Variants in CNTLN observed in about 807,000 individuals in gnomAD.
The protein encoded by CNTLN is centlein, also known as centlein, centrosomal protein.
In CNTLN, 212 loss-of-function variants were observed where a neutral mutation model predicts 180.0. The observed-to-expected ratio is 1.18, with a 90% CI of 1.05 to 1.32. The LOEUF (loss-of-function observed/expected upper bound fraction) is 1.32. Among genes scored for constraint, CNTLN ranks in the 40% most tolerant of loss-of-function variants. The probability of loss-of-function intolerance (pLI) is 0.00; values close to 1 mark genes in which losing one functional copy is unlikely to be tolerated. For synonymous variants in CNTLN, 722 were observed against 563.1 expected (o/e 1.28, Z -3.99); for missense variants, 2,095 against 1,610.9 (o/e 1.30, Z -5.14).
At position 17,309,272 on chromosome 9, in the gene CNTLN, A is replaced by G; in HGVS notation, c.1341+20A>G. 6.6e-7 allele frequency: 1 copy of G among 1,506,358 alleles called. No homozygotes were observed. Among genetic ancestry groups the G allele is most frequent in the Non-Finnish European group, 8.9e-7 (1 of 1,124,290 alleles). 93.3% of individuals were successfully genotyped at this position (1,506,358 alleles called of 1,614,324 possible). On this transcript the variant is annotated intron_variant, in intron 8 of 25. Coordinates refer to ENST00000380647, the MANE Select transcript of CNTLN (RefSeq NM_017738.4). ...GCACAGGTGAGAGACATTTTCTAAA[A>G]CTGTTATTCAGTGTAATATTAAATG...
chr9:17,170,515 T>C (rs1344352314), intron 2 of CNTLN, among the ~76,000 whole-genome samples: 2 of 152,118 alleles, frequency 1.3e-5, no homozygotes, highest in Non-Finnish European at 2.9e-5. Flanking sequence ...TTACATTCTT[T>C]CTGTTCCTCT....
intron 20 of CNTLN, 52 bp from the exon 21 acceptor site, chr9:17,464,445 C>T: frequency 4.1e-6 from 6 of 1,457,088 alleles, no homozygotes; most frequent in Non-Finnish European, 5.5e-6. Context: ...AAGATATCAC[C>T]ACTGTTAAGG....
At chr9:17,184,303 ATGAATATTTGTTATAACAG>A (rs1242948538) in intron 2 of CNTLN, among the ~76,000 whole-genome samples, 1 of 144,176 alleles carries the variant, frequency 6.9e-6, no homozygotes, top group African/African-American at 2.8e-5. Flanking sequence ...TTACGTAAAC[ATGAATATTTGTTATAACAG>A]AGCACATTTT....
Position 17,462,177 on chromosome 9 carries a change from T to C in CNTLN, c.3307-739T>C, listed in dbSNP as rs140585144. Among the ~76,000 whole-genome samples, 836 of 151,828 alleles carry C rather than the reference T, an allele frequency of 5.5e-3. 9 individuals are homozygous for C. The highest frequency in any genetic ancestry group is 0.019 in the African/African-American group (777 of 41,500). ...TTTGTGGGTTGACTGGGAAGTTCTTTTGCTGGTCTCTTCTGGGCTACCTCA... is the reference window on the plus strand; with the variant it reads ...TTTGTGGGTTGACTGGGAAGTTCTTCTGCTGGTCTCTTCTGGGCTACCTCA... On this transcript the variant is annotated intron_variant, in intron 19 of 25. Transcript: ENST00000380647.
At chr9:17,479,120 G>T (rs534140563) in intron 23 of CNTLN, among the ~76,000 whole-genome samples, 8 of 152,170 alleles carry the variant, frequency 5.3e-5, no homozygotes, top group Non-Finnish European at 1.0e-4. Context: ...CAGCTGCTAT[G>T]GAAAACAGTG....
intron 5 of CNTLN, among the ~76,000 whole-genome samples, chr9:17,264,114 G>T (rs10962974): frequency 0.1 from 12,360 of 118,476 alleles, 1,116 homozygotes; most frequent in East Asian, 0.2. Context: ...ATGAAGTCCT[G>T]GCCCATGCCT....
intron 12 of CNTLN, among the ~76,000 whole-genome samples, chr9:17,358,080 G>C (rs116911535): frequency 4.8e-4 from 73 of 151,962 alleles, no homozygotes; most frequent in Non-Finnish European, 8.4e-4. Context: ...TTTATCTAGG[G>C]AATATAAAAA....
At chr9:17,341,669 G>A (rs1432676960) in intron 11 of CNTLN, among the ~76,000 whole-genome samples, 1 of 152,104 alleles carries the variant, frequency 6.6e-6, no homozygotes, top group Non-Finnish European at 1.5e-5. Flanking sequence ...TTCTAAATTG[G>A]CCAGTACGGC....
intron 23 of CNTLN, among the ~76,000 whole-genome samples, chr9:17,476,644 C>T (rs891049078): frequency 3.3e-5 from 5 of 152,172 alleles, no homozygotes; most frequent in African/African-American, 1.2e-4. Flanking sequence ...CCAGTCACAA[C>T]AGTTTCTTAA....
intron 25 of CNTLN, among the ~76,000 whole-genome samples, chr9:17,500,605 A>G (rs1833694256): frequency 6.6e-6 from 1 of 152,192 alleles, no homozygotes; most frequent in South Asian, 2.1e-4. Context: ...GCCCTCTTGG[A>G]GAGATCAGTG....
Position 17,401,915 on chromosome 9 carries a change from AAGGAC to A in CNTLN, c.2615+6847_2615+6851del, listed in dbSNP as rs1322086686. On this transcript the variant is annotated intron_variant, in intron 15 of 25. Transcript: ENST00000380647. Reference sequence around the variant, plus strand: ...GTATTTACAACACATAAAGAAGGTAAAGGACTAATATCCAGAAGATTTAAAGATCA... The same window carrying A: ...GTATTTACAACACATAAAGAAGGTAATAATATCCAGAAGATTTAAAGATCA... Among the ~76,000 whole-genome samples, 26 of 71,994 alleles carry A rather than the reference AAGGAC, an allele frequency of 3.6e-4. 1 individual carries two copies. The highest frequency in any genetic ancestry group is 7.9e-4 in the African/African-American group (25 of 31,570). 47.2% of individuals were successfully genotyped at this position (71,994 alleles called of 152,430 possible).
chr9:17,439,830 T>C (rs1830002136), intron 18 of CNTLN, among the ~76,000 whole-genome samples: 1 of 152,206 alleles, frequency 6.6e-6, no homozygotes, highest in African/African-American at 2.4e-5. Context: ...GAGATCTCTC[T>C]GCTCTCTGCC....
intron 6 of CNTLN, among the ~76,000 whole-genome samples, chr9:17,285,220 G>C (rs1416879814): frequency 7.3e-5 from 10 of 137,188 alleles, no homozygotes; most frequent in African/African-American, 2.8e-4. Flanking sequence ...TGATCTCATT[G>C]TTCAATTCCC....
intron 13 of CNTLN, among the ~76,000 whole-genome samples, chr9:17,371,226 A>T (rs1008402135): frequency 1.7e-4 from 26 of 152,294 alleles, no homozygotes; most frequent in Middle Eastern, 3.4e-3. Flanking sequence ...GTTGTATATA[A>T]GAAACGCTTC....
At chr9:17,473,759 GGCTTTCAATCTTATTACCCC>G (rs1832169086) in intron 23 of CNTLN, among the ~76,000 whole-genome samples, 1 of 151,852 alleles carries the variant, frequency 6.6e-6, no homozygotes, top group Non-Finnish European at 1.5e-5. Flanking sequence ...TCTCCAATTA[GGCTTTCAATCTTATTACCCC>G]GCCAAAGTAG....
chr9:17,254,279 G>C (rs562752202), intron 5 of CNTLN, among the ~76,000 whole-genome samples: 5 of 151,576 alleles, frequency 3.3e-5, no homozygotes, highest in Admixed American at 3.3e-4. Flanking sequence ...TTTCAATTTT[G>C]AGGTAGTACC....
intron 18 of CNTLN, among the ~76,000 whole-genome samples, chr9:17,427,848 C>T (rs1194092067): frequency 6.6e-6 from 1 of 152,010 alleles, no homozygotes; most frequent in Non-Finnish European, 1.5e-5. Context: ...GCATAGTAAC[C>T]CATTAAGATC....
At chr9:17,483,947 A>C (rs893926896) in intron 23 of CNTLN, among the ~76,000 whole-genome samples, 1 of 152,208 alleles carries the variant, frequency 6.6e-6, no homozygotes, top group Non-Finnish European at 1.5e-5. Flanking sequence ...TTGTGGAATA[A>C]TGAGAACCTG....
intron 13 of CNTLN, among the ~76,000 whole-genome samples, chr9:17,385,910 C>A (rs777435452): frequency 6.6e-6 from 1 of 152,140 alleles, no homozygotes; most frequent in Non-Finnish European, 1.5e-5. Flanking sequence ...GTATGTGTTT[C>A]TTATTGTATC....
Sources: gnomAD v4.1 joint callset for allele counts (sites outside exome capture counted in the v4.1 genomes callset) on GRCh38, gnomAD v4.1.1 for gene constraint, MANE v1.5 for transcripts, NCBI Gene and HGNC (gene_info 2026-07-23, HGNC 2026-07-21) for gene names.